ABCC1: variants seen among roughly 807,000 people sequenced by gnomAD.
ABCC1 encodes multidrug resistance-associated protein 1.
ABCC1 carries 83 observed loss-of-function variants against 172.9 expected under a neutral mutation model. That is an observed-to-expected ratio of 0.48 (90% CI 0.40 to 0.58). The LOEUF is 0.58. ABCC1 is among the 20% of genes least tolerant of loss of function. The probability of loss-of-function intolerance (pLI) is 0.00; values close to 1 mark genes in which losing one functional copy is unlikely to be tolerated. For missense variants in ABCC1, 1,817 were observed against 2,002.7 expected (o/e 0.91, Z 1.77); for synonymous variants, 937 against 825.2 (o/e 1.14, Z -2.32).
chr16:16,086,441 G>T (rs1361274251), intron 17 of ABCC1, among the ~76,000 whole-genome samples: 1 of 152,160 alleles, frequency 6.6e-6, no homozygotes, highest in Non-Finnish European at 1.5e-5. Context: ...GTCCTGAGCA[G>T]GCTCTATGCC....
intron 4 of ABCC1, among the ~76,000 whole-genome samples, chr16:16,015,540 T>C (rs1213713758): frequency 6.6e-6 from 1 of 152,228 alleles, no homozygotes; most frequent in Non-Finnish European, 1.5e-5. Context: ...CATTTGACTA[T>C]TGATTGCCTA....
intron 1 of ABCC1, among the ~76,000 whole-genome samples, chr16:15,988,195 G>A (rs961220562): frequency 6.6e-6 from 1 of 152,144 alleles, no homozygotes; most frequent in Non-Finnish European, 1.5e-5. Context: ...TGGGATTATA[G>A]GTGTGAGCCA....
chr16:16,041,551 C>G (rs1215020436), intron 7 of ABCC1, among the ~76,000 whole-genome samples: 1 of 152,126 alleles, frequency 6.6e-6, no homozygotes, highest in African/African-American at 2.4e-5. Flanking sequence ...TAAGCCAGAT[C>G]TGGCACCTGT....
At chr16:16,055,943 T>C (rs2049631273) in intron 11 of ABCC1, 149 bp from the exon 12 acceptor site, 1 of 732,626 alleles carries the variant, frequency 1.4e-6, no homozygotes, top group African/African-American at 1.9e-5. Flanking sequence ...AAACCCCATC[T>C]CTATTGAAAA....
intron 1 of ABCC1, among the ~76,000 whole-genome samples, chr16:15,983,910 T>C (rs753188614): frequency 5.3e-5 from 8 of 152,154 alleles, no homozygotes; most frequent in Non-Finnish European, 8.8e-5. Flanking sequence ...TCTGCATTTA[T>C]TGCTACTGTT....
intron 26 of ABCC1, 143 bp downstream of exon 26, chr16:16,126,054 T>G (rs950092735): frequency 3.6e-6 from 2 of 556,210 alleles, no homozygotes; most frequent in Non-Finnish European, 3.1e-6. Flanking sequence ...TGTCCAGTCT[T>G]TTTGCAGCAC....
At chr16:16,036,158 TA>T (rs2048747690) in intron 6 of ABCC1, among the ~76,000 whole-genome samples, 1 of 150,304 alleles carries the variant, frequency 6.7e-6, no homozygotes, top group East Asian at 2.0e-4. Flanking sequence ...TAATAAAAAA[TA>T]AAAAAGAGCT....
chr16:16,101,032 A>G (rs1352581999), intron 19 of ABCC1, among the ~76,000 whole-genome samples: 1 of 148,412 alleles, frequency 6.7e-6, no homozygotes, highest in Non-Finnish European at 1.5e-5. Context: ...TTTTATTTTT[A>G]TTTTTTATTT....
chr16:16,025,447 C>T (rs137993976), intron 5 of ABCC1, among the ~76,000 whole-genome samples: 6 of 152,290 alleles, frequency 3.9e-5, no homozygotes, highest in East Asian at 1.9e-4. Context: ...CAGGTGCCAC[C>T]GATGCTGGTG....
At chr16:16,057,378 A>AT (rs1463147359) in intron 12 of ABCC1, among the ~76,000 whole-genome samples, 2 of 151,544 alleles carry the variant, frequency 1.3e-5, no homozygotes, top group Admixed American at 6.6e-5. Flanking sequence ...AAAAAAAAAA[A>AT]AAATAAGTAA....
intron 1 of ABCC1, among the ~76,000 whole-genome samples, chr16:15,985,541 T>G (rs1432225203): frequency 6.6e-6 from 1 of 152,082 alleles, no homozygotes; most frequent in African/African-American, 2.4e-5. Flanking sequence ...GCCTCCTGGG[T>G]TCAAGTGATT....
intron 1 of ABCC1, among the ~76,000 whole-genome samples, chr16:15,967,758 CAAA>C (rs11287273): frequency 8.1e-5 from 10 of 123,096 alleles, no homozygotes; most frequent in Non-Finnish European, 1.2e-4. Flanking sequence ...GCACTGTCTC[CAAA>C]AAAAAAAAAA....
chr16:16,062,620 T>C (rs1319635572), intron 12 of ABCC1, among the ~76,000 whole-genome samples: 1 of 152,214 alleles, frequency 6.6e-6, no homozygotes. Flanking sequence ...GGCCTGGGTG[T>C]CAGCTGGGGA....
chr16:16,125,723 T>G (rs2045401547), intron 25 of ABCC1, 87 bp from the exon 26 acceptor site: 1 of 798,936 alleles, frequency 1.3e-6, no homozygotes, highest in Admixed American at 3.1e-5. Context: ...ATAATTTGTT[T>G]CCTATTATCT....
rs45606433 is a variant in ABCC1, at chr16:16,082,814, A to G, written c.2116-552A>G. Among the ~76,000 whole-genome samples, 1,330 of 152,100 alleles carry G rather than the reference A, an allele frequency of 8.7e-3. 20 individuals are homozygous for G. The highest frequency in any genetic ancestry group is 0.029 in the African/African-American group (1,215 of 41,490). On this transcript the variant is annotated intron_variant, in intron 16 of 30. Coordinates refer to ENST00000399410, the MANE Select transcript of ABCC1 (RefSeq NM_004996.4). ...AGATGCACAGCGCCATGCCTGGCTAATTTTTCTATTTTTTTTAGAGATGGG... is the reference window on the plus strand; with the variant it reads ...AGATGCACAGCGCCATGCCTGGCTAGTTTTTCTATTTTTTTTAGAGATGGG...
intron 1 of ABCC1, among the ~76,000 whole-genome samples, chr16:15,998,378 C>T (rs1020341009): frequency 5.3e-5 from 8 of 152,178 alleles, no homozygotes; most frequent in Non-Finnish European, 1.0e-4. Flanking sequence ...CCTCCCGCCT[C>T]AGCCTCCCAA....
chr16:16,068,056 C>A, intron 12 of ABCC1, 100 bp from the exon 13 acceptor site: 1 of 1,463,506 alleles, frequency 6.8e-7, no homozygotes, highest in South Asian at 1.2e-5. Context: ...TTGTGGCCAC[C>A]TGGGGAGGGC....
chr16:15,974,615 GCCAGTATTTATGACATA>G (rs2046443378), intron 1 of ABCC1, among the ~76,000 whole-genome samples: 1 of 152,116 alleles, frequency 6.6e-6, no homozygotes, highest in Admixed American at 6.6e-5. Flanking sequence ...AATCCTAGAG[GCCAGTATTTATGACATA>G]CTTCCCAGTT....
At position 16,125,821 on chromosome 16, in the gene ABCC1, C is replaced by G. The variant is rs776439887; in HGVS notation, c.3729C>G (p.Tyr1243Ter). ...SVSYSLQVTT[Y>*]LNWLVRMSSE... is the part of the protein sequence containing the mutation. The stretch of plus-strand genomic sequence containing the variant: ...TCTTCCACTCACAGGTCACCACGTA[C>G]TTGAACTGGCTGGTTCGGATGTCAT... The change falls in exon 26 of 31, where the codon TAC becomes TAG. Residue 1243 changes from tyrosine (Y) to a stop codon, truncating the protein, a stop_gained. Transcript: ENST00000399410. LOFTEE classifies it high-confidence loss of function. The G allele has an allele frequency of 1.9e-6, 3 of 1,613,502 alleles. No individual in the cohort carries two copies. The highest frequency in any genetic ancestry group is 1.3e-5 in the African/African-American group (1 of 74,916).
Sources: gnomAD v4.1 joint callset for allele counts (sites outside exome capture counted in the v4.1 genomes callset) on GRCh38, gnomAD v4.1.1 for gene constraint, MANE v1.5 for transcripts, NCBI Gene and HGNC (gene_info 2026-07-23, HGNC 2026-07-21) for gene names.